ASXL3: variants seen among roughly 807,000 people sequenced by gnomAD.
The protein encoded by ASXL3 is ASXL transcriptional regulator 3.
Under a neutral mutation model 170.6 loss-of-function variants are expected in ASXL3, and 34 were observed. The observed-to-expected ratio is 0.20, with a 90% CI of 0.15 to 0.27. ASXL3 has a LOEUF of 0.27. Among genes scored for constraint, ASXL3 ranks in the 10% least tolerant of loss-of-function variants. The probability of loss-of-function intolerance (pLI) is 1.00; values close to 1 mark genes in which losing one functional copy is unlikely to be tolerated. For missense variants in ASXL3, 2,592 were observed against 2,695.3 expected (o/e 0.96, Z 0.85); for synonymous variants, 1,002 against 989.1 (o/e 1.01, Z -0.24).
chr18:33,582,015 T>A (rs891400454), intron 1 of ASXL3, among the ~76,000 whole-genome samples: 1 of 152,202 alleles, frequency 6.6e-6, no homozygotes, highest in Non-Finnish European at 1.5e-5. Flanking sequence ...CTTCTGCAGT[T>A]GTAGTTGTGT....
intron 1 of ASXL3, among the ~76,000 whole-genome samples, chr18:33,582,706 CTGTG>C (rs34434614): frequency 0.021 from 2,893 of 135,926 alleles, 37 homozygotes; most frequent in South Asian, 0.039. Flanking sequence ...TGGTTTTTTT[CTGTG>C]TGTGTGTGTG....
At chr18:33,633,603 G>A (rs1317121221) in intron 2 of ASXL3, among the ~76,000 whole-genome samples, 1 of 152,008 alleles carries the variant, frequency 6.6e-6, no homozygotes, top group East Asian at 1.9e-4. Flanking sequence ...CAGCATTTTG[G>A]GAGGCCAAGG....
intron 10 of ASXL3, among the ~76,000 whole-genome samples, chr18:33,735,365 G>C (rs1302256080): frequency 6.6e-6 from 1 of 152,160 alleles, no homozygotes. Flanking sequence ...TACCCTTCAT[G>C]AATTGTCCTA....
intron 2 of ASXL3, among the ~76,000 whole-genome samples, chr18:33,610,279 A>T (rs1375310425): frequency 6.6e-6 from 1 of 152,072 alleles, no homozygotes; most frequent in Admixed American, 6.6e-5. Flanking sequence ...CTAGGTATTT[A>T]CTAATGATGT....
chr18:33,717,725 T>C (rs548128090), intron 8 of ASXL3, among the ~76,000 whole-genome samples: 2 of 152,222 alleles, frequency 1.3e-5, no homozygotes, highest in South Asian at 4.1e-4. Context: ...CGTTGGTTTA[T>C]TGTTTTTGTT....
At chr18:33,714,326 T>C (rs1433296048) in intron 8 of ASXL3, among the ~76,000 whole-genome samples, 1 of 152,136 alleles carries the variant, frequency 6.6e-6, no homozygotes, top group Non-Finnish European at 1.5e-5. Context: ...GAATTCAATA[T>C]AGGCAGGTCC....
intron 10 of ASXL3, among the ~76,000 whole-genome samples, chr18:33,737,878 C>T (rs2067574442): frequency 6.6e-6 from 1 of 152,098 alleles, no homozygotes; most frequent in African/African-American, 2.4e-5. Context: ...GGTTTTCTTA[C>T]ATCCTCTGAA....
In ASXL3 at chr18:33,578,298, G is replaced by T; in HGVS notation, c.-334G>T. The stretch of plus-strand genomic sequence containing the variant: ...AGCGGCCGCGGCGGTGGCGCAGCGC[G>T]AGCCCCGCACGAGCGAGCCCGGCCG... On this transcript the variant is annotated 5_prime_UTR_variant, in exon 1 of 12. Transcript: ENST00000269197. The T allele has an allele frequency of 6.8e-6, 1 of 146,942 alleles. No homozygotes were observed. The highest frequency in any genetic ancestry group is 2.1e-4 in the South Asian group (1 of 4,798). 9.1% of individuals were successfully genotyped at this position (146,942 alleles called of 1,614,324 possible). A position where few individuals can be genotyped will look rare whatever the true frequency, so the allele number is the denominator to read the frequency against.
At chr18:33,653,313 G>T (rs2066031239) in intron 4 of ASXL3, among the ~76,000 whole-genome samples, 1 of 152,012 alleles carries the variant, frequency 6.6e-6, no homozygotes, top group African/African-American at 2.4e-5. Flanking sequence ...TCTTGCAGGG[G>T]GCAGGAAGGA....
chr18:33,583,457 T>G (rs2065009876), intron 1 of ASXL3, among the ~76,000 whole-genome samples: 1 of 152,244 alleles, frequency 6.6e-6, no homozygotes, highest in Non-Finnish European at 1.5e-5. Context: ...TATCTATATC[T>G]CATCACCTTT....
chr18:33,746,865 G>A lies in ASXL3; in HGVS notation c.*270G>A. On this transcript the variant is annotated 3_prime_UTR_variant, in exon 12 of 12. Transcript: ENST00000269197. ...TCTGTCCATGTGTATACAAGTCAAT[G>A]CCCCATTTTTGTTTTTCTTTTAACC... The A allele has an allele frequency of 2.6e-6, 1 of 377,778 alleles. No homozygotes were observed. Among genetic ancestry groups the A allele is most frequent in the Non-Finnish European group, 4.5e-6 (1 of 221,434 alleles). The allele number at this position is 377,778 out of a possible 1,614,324, so 23.4% of individuals were successfully genotyped here. A position where few individuals can be genotyped will look rare whatever the true frequency, so the allele number is the denominator to read the frequency against.
chr18:33,647,087 G>A (rs937247272), intron 4 of ASXL3, among the ~76,000 whole-genome samples: 1 of 151,864 alleles, frequency 6.6e-6, no homozygotes, highest in African/African-American at 2.4e-5. Flanking sequence ...AGAGAAAACT[G>A]TGTAGTTAAA....
intron 7 of ASXL3, among the ~76,000 whole-genome samples, chr18:33,673,892 C>G (rs1039892758): frequency 1.3e-5 from 2 of 152,154 alleles, no homozygotes; most frequent in African/African-American, 4.8e-5. Context: ...AGAGCGCCCC[C>G]AATCTTTCAA....
At position 33,739,447 on chromosome 18, in the gene ASXL3, T is replaced by A; in HGVS notation, c.2043T>A (p.Ser681=). 6.2e-7 allele frequency: 1 copy of A among 1,613,956 alleles called. No homozygotes were observed. The highest frequency in any genetic ancestry group is 8.5e-7 in the Non-Finnish European group (1 of 1,179,874). ...ATGCATCTTTGATGTCAGAAATATC[T>A]CCAATATCCACTTCACCTGAAATAT... ...NFHASLMSEI[S]PISTSPEISE... The change falls in exon 11 of 12, where the codon TCT becomes TCA. Residue 681 remains serine (S), a synonymous_variant. Coordinates refer to ENST00000269197, the MANE Select transcript of ASXL3 (RefSeq NM_030632.3).
chr18:33,626,104 GA>G (rs201012473), intron 2 of ASXL3, among the ~76,000 whole-genome samples: 6 of 148,802 alleles, frequency 4.0e-5, no homozygotes, highest in Non-Finnish European at 8.9e-5. Context: ...AGGACTCAAT[GA>G]AAAAAAAACA....
intron 8 of ASXL3, among the ~76,000 whole-genome samples, chr18:33,703,712 A>G (rs1172728180): frequency 6.6e-6 from 1 of 151,250 alleles, no homozygotes; most frequent in African/African-American, 2.4e-5. Flanking sequence ...TTGCCTGGAG[A>G]GGAGCTTCCC....
intron 10 of ASXL3, among the ~76,000 whole-genome samples, chr18:33,736,815 T>C (rs760223152): frequency 2.0e-4 from 30 of 152,174 alleles, no homozygotes; most frequent in Non-Finnish European, 3.1e-4. Context: ...CTTCCTCCTA[T>C]GCCTTATGCA....
At chr18:33,582,049 A>G (rs78736519) in intron 1 of ASXL3, among the ~76,000 whole-genome samples, 341 of 152,212 alleles carry the variant, frequency 2.2e-3, no homozygotes, top group African/African-American at 8.0e-3. Context: ...GCCATTTAAT[A>G]TGGAGTCTGC....
intron 2 of ASXL3, among the ~76,000 whole-genome samples, chr18:33,613,964 A>G (rs973942528): frequency 1.3e-5 from 2 of 152,116 alleles, no homozygotes; most frequent in Non-Finnish European, 2.9e-5. Context: ...TCAGCAAGTC[A>G]TAATCACTTT....
Sources: allele counts gnomAD v4.1 joint callset (sites outside exome capture counted in the v4.1 genomes callset), GRCh38; gene constraint gnomAD v4.1.1; transcripts MANE v1.5; gene names NCBI Gene and HGNC (gene_info 2026-07-23, HGNC 2026-07-21).